FANCI: variants seen among roughly 807,000 people sequenced by gnomAD.
The protein encoded by FANCI is Fanconi anemia group I protein.
A neutral mutation model predicts 176.1 loss-of-function variants in FANCI; 156 were observed. That is an observed-to-expected ratio of 0.89 (90% CI 0.78 to 1.01). The LOEUF (loss-of-function observed/expected upper bound fraction) is 1.01. Among genes scored for constraint, FANCI ranks in the 50% least tolerant of loss-of-function variants. The pLI, the probability that FANCI is intolerant of heterozygous loss-of-function variation, is 0.00. For synonymous variants in FANCI, 613 were observed against 541.7 expected, an observed-to-expected ratio of 1.13 and a Z score of -1.83; for missense variants, 1,678 against 1,534.1, an observed-to-expected ratio of 1.09 and a Z score of -1.57.
At chr15:89,249,417 G>A (rs964860290) in intron 2 of FANCI, among the ~76,000 whole-genome samples, 6 of 152,288 alleles carry the variant, frequency 3.9e-5, no homozygotes, top group South Asian at 2.1e-4. Flanking sequence ...GGGCGATCTC[G>A]GCACACTGCA....
chr15:89,281,766 C>A lies in FANCI; in HGVS notation c.1514C>A (p.Pro505His), dbSNP rs773105092. The A allele has an allele frequency of 1.2e-6, 2 of 1,613,800 alleles. No homozygotes were observed. Among genetic ancestry groups the A allele is most frequent in the Non-Finnish European group, 1.7e-6 (2 of 1,179,856 alleles). Residue 505 changes from proline (P) to histidine (H), a missense_variant and splice_region_variant, in exon 16 of 38, where the codon CCC (proline) becomes CAC (histidine). Pro to His is a moderately conservative substitution (Grantham distance 77). This residue lies in a region of FANCI where 1,204 missense variants were observed against 1,077.4 expected (regional missense o/e 1.12). Transcript: ENST00000310775. Reference sequence around the variant, plus strand: ...TTTTACCCACTGATTCTTTTTCAGCCCCTTCTCAAAGTCAGCATGTCAATG... The same window carrying A: ...TTTTACCCACTGATTCTTTTTCAGCACCTTCTCAAAGTCAGCATGTCAATG... ...TVQRLLKAVQ[P>H]LLKVSMSMRD...
At chr15:89,315,849 C>T (rs1042531849) in intron 37 of FANCI, among the ~76,000 whole-genome samples, 12 of 152,176 alleles carry the variant, frequency 7.9e-5, no homozygotes, top group African/African-American at 2.4e-4. Context: ...AGTGACAGTA[C>T]CGCATCCCCA....
rs140232050 is a variant in FANCI, at chr15:89,252,815, C to T, written c.84+5084C>T. Among the ~76,000 whole-genome samples the T allele has an allele frequency of 3.9e-5, 6 of 152,282 alleles. No homozygotes were observed. In the East Asian group the frequency reaches 9.6e-4, roughly 24 times the overall value. Reference sequence around the variant, plus strand: ...AAAACTATGAAACACTTCTGAAGGACAAAGTAGAAAACTAAGAAGATATCC... The same window carrying T: ...AAAACTATGAAACACTTCTGAAGGATAAAGTAGAAAACTAAGAAGATATCC... On this transcript the variant is annotated intron_variant, in intron 2 of 37. Coordinates refer to ENST00000310775, the MANE Select transcript of FANCI (RefSeq NM_001113378.2).
chr15:89,271,400 T>A (rs887836486), intron 10 of FANCI, among the ~76,000 whole-genome samples: 29 of 152,260 alleles, frequency 1.9e-4, no homozygotes, highest in Non-Finnish European at 3.8e-4. Flanking sequence ...AATGGAATTA[T>A]ATGATATGTG....
intron 19 of FANCI, chr15:89,290,596 A>G: frequency 3.6e-6 from 1 of 281,486 alleles, no homozygotes; most frequent in Non-Finnish European, 6.8e-6. Context: ...TCTGAAAGAA[A>G]AAAGAAATCC....
At position 89,306,117 on chromosome 15, in the gene FANCI, C is replaced by T. The variant is rs2054708053; in HGVS notation, c.3460C>T (p.Pro1154Ser). 6.2e-7 allele frequency: 1 copy of T among 1,614,016 alleles called. No homozygotes were observed. The highest frequency in any genetic ancestry group is 8.5e-7 in the Non-Finnish European group (1 of 1,179,996). The part of the protein sequence containing the change: ...FFHELVQTAL[P>S]SGSCVDTLLK... ...CCACGAGCTGGTGCAGACAGCTCTG[C>T]CATCAGGCAGCTGTGTGGACACCTT... Residue 1154 changes from proline to serine, a missense_variant, in exon 32 of 38, where the codon CCA becomes TCA. Pro to Ser is a moderately conservative substitution (Grantham distance 74). Transcript: ENST00000310775.
intron 2 of FANCI, among the ~76,000 whole-genome samples, chr15:89,254,042 C>G (rs899397429): frequency 6.6e-6 from 1 of 152,040 alleles, no homozygotes; most frequent in African/African-American, 2.4e-5. Flanking sequence ...CTGGCTCTCT[C>G]CAATGAAAGA....
At position 89,297,198 on chromosome 15, in the gene FANCI, G is replaced by A. The variant is rs28669018; in HGVS notation, c.2636+2104G>A. ...CAGAGGTGCTCCTCACATCCCAGAC[G>A]GGGCGGCGGGGCAGAGGCGCTCCCC... On this transcript the variant is annotated intron_variant, in intron 24 of 37. Coordinates refer to ENST00000310775, the MANE Select transcript of FANCI (RefSeq NM_001113378.2). Among the ~76,000 whole-genome samples the A allele has an allele frequency of 5.4e-3, 819 of 152,166 alleles. 9 individuals are homozygous for A. The highest frequency in any genetic ancestry group is 0.018 in the African/African-American group (747 of 41,524).
chr15:89,307,116 G>GTAGCTAGAGCTACATCACA (rs2054753070), intron 32 of FANCI, among the ~76,000 whole-genome samples: 1 of 152,196 alleles, frequency 6.6e-6, no homozygotes, highest in Non-Finnish European at 1.5e-5. Flanking sequence ...CTCTCAGAAT[G>GTAGCTAGAGCTACATCACA]TGTAGCTCTA....
chr15:89,291,443 A>G (rs1377728003), intron 19 of FANCI, among the ~76,000 whole-genome samples, 170 bp from the exon 20 acceptor site: 1 of 152,216 alleles, frequency 6.6e-6, no homozygotes, highest in Non-Finnish European at 1.5e-5. Flanking sequence ...AAGCAAGAGC[A>G]CAGGATGTGG....
intron 22 of FANCI, 103 bp from the exon 23 acceptor site, chr15:89,293,730 A>G (rs1181941645): frequency 8.9e-7 from 1 of 1,129,214 alleles, no homozygotes; most frequent in African/African-American, 1.5e-5. Context: ...TGTTACGTCT[A>G]AAATATGACA....
intron 34 of FANCI, among the ~76,000 whole-genome samples, chr15:89,309,383 AAAAAG>A (rs1245212311): frequency 1.3e-5 from 2 of 152,202 alleles, no homozygotes; most frequent in Non-Finnish European, 1.5e-5. Context: ...TCCTCAAAAA[AAAAAG>A]GAATTCAGGG....
In FANCI at chr15:89,268,422, C is replaced by T; in HGVS notation, c.779C>T (p.Pro260Leu). 1 of 1,614,172 alleles carries T rather than the reference C, an allele frequency of 6.2e-7. No homozygotes were observed. Among genetic ancestry groups the T allele is most frequent in the Non-Finnish European group, 8.5e-7 (1 of 1,180,022 alleles). The change falls in exon 10 of 38, where the codon CCA becomes CTA. Residue 260 changes from proline to leucine, a missense_variant. This residue lies in a region of FANCI where 469 missense variants were observed against 436.9 expected (regional missense o/e 1.07). Coordinates refer to ENST00000310775, the MANE Select transcript of FANCI (RefSeq NM_001113378.2). ...GDELLDVVTV[P>L]SGELRHVEGT... The stretch of plus-strand genomic sequence containing the variant: ...AGGCTATTGGATGTTGTCACTGTGC[C>T]ATCAGGTGAACTTCGTCATGTGGAA...
rs1479401700 is a variant in FANCI, at chr15:89,281,812, C to T, written c.1560C>T (p.Val520=). 6 of 1,613,812 alleles carry T rather than the reference C, an allele frequency of 3.7e-6. No homozygotes were observed. Among genetic ancestry groups the T allele is most frequent in the South Asian group, 1.1e-5 (1 of 91,076 alleles). Residue 520 remains valine (V), a synonymous_variant, in exon 16 of 38, where the codon GTC becomes GTT. Coordinates refer to ENST00000310775, the MANE Select transcript of FANCI (RefSeq NM_001113378.2). ...CAATGAGAGACTGCTTGATACTTGT[C>T]CTTCGGAAAGCTATGTTTGCCAAGT... ...SMSMRDCLIL[V]LRKAMFANQL...
chr15:89,302,595 A>G (rs2054565427), intron 27 of FANCI, among the ~76,000 whole-genome samples: 1 of 148,622 alleles, frequency 6.7e-6, no homozygotes, highest in Non-Finnish European at 1.5e-5. Flanking sequence ...TTTTTTTGAG[A>G]CAGAGTCTCG....
chr15:89,277,471 C>T (rs1417392278), intron 13 of FANCI, among the ~76,000 whole-genome samples: 1 of 151,876 alleles, frequency 6.6e-6, no homozygotes, highest in Admixed American at 6.6e-5. Flanking sequence ...CAAAAATTAG[C>T]CAGGTGTGGT....
Position 89,313,064 on chromosome 15 carries a change from G to T in FANCI, c.3720+92G>T, listed in dbSNP as rs540710923. 5.0e-6 allele frequency: 6 copies of T among 1,197,614 alleles called. No homozygotes were observed. In the Admixed American group the frequency reaches 6.8e-5, roughly 14 times the overall value. The allele number at this position is 1,197,614 out of a possible 1,614,324, so 74.2% of individuals were successfully genotyped here. The stretch of plus-strand genomic sequence containing the variant: ...GCCAGTGACAAAAAGACCACGTGTT[G>T]TATGATTCCATTTTCATGAAGTGCC... On this transcript the variant is annotated intron_variant, in intron 35 of 37. Coordinates refer to ENST00000310775, the MANE Select transcript of FANCI (RefSeq NM_001113378.2).
intron 2 of FANCI, among the ~76,000 whole-genome samples, chr15:89,250,540 T>C (rs2052197364): frequency 9.0e-6 from 1 of 110,714 alleles, no homozygotes; most frequent in African/African-American, 3.5e-5. Context: ...CACCGGGGCC[T>C]GTTGTGGAGT....
chr15:89,295,366 G>GAAAAAAAA (rs373941070), intron 24 of FANCI, among the ~76,000 whole-genome samples: 1 of 96,304 alleles, frequency 1.0e-5, no homozygotes, highest in African/African-American at 4.4e-5. Flanking sequence ...ACTCTCAAAA[G>GAAAAAAAA]AAAAAAAAAA....
Sources: gnomAD v4.1 joint callset for allele counts (sites outside exome capture counted in the v4.1 genomes callset) on GRCh38, gnomAD v4.1.1 for gene constraint, gnomAD v4.1.1 regional missense constraint, MANE v1.5 for transcripts, NCBI Gene and HGNC (gene_info 2026-07-23, HGNC 2026-07-21) for gene names.